PAPSS2: variants seen among roughly 807,000 people sequenced by gnomAD.
The protein encoded by PAPSS2 is bifunctional 3'-phosphoadenosine 5'-phosphosulfate synthase 2.
Under a neutral mutation model 66.5 loss-of-function variants are expected in PAPSS2, and 61 were observed. That is an observed-to-expected ratio of 0.92 (90% CI 0.75 to 1.14). PAPSS2 has a LOEUF of 1.14. Among genes scored for constraint, PAPSS2 ranks in the 50% most tolerant of loss-of-function variants. The probability of loss-of-function intolerance (pLI) is 0.00; values close to 1 mark genes in which losing one functional copy is unlikely to be tolerated. For missense variants in PAPSS2, 708 were observed against 789.6 expected (o/e 0.90, Z 1.24); for synonymous variants, 289 against 287.5 (o/e 1.01, Z -0.05).
At chr10:87,681,814 C>G (rs764912644) in intron 1 of PAPSS2, among the ~76,000 whole-genome samples, 1 of 152,152 alleles carries the variant, frequency 6.6e-6, no homozygotes, top group Non-Finnish European at 1.5e-5. Context: ...TCTTTTGTGA[C>G]TGGCTTCTTT....
chr10:87,686,160 A>C (rs1853086216), intron 1 of PAPSS2, among the ~76,000 whole-genome samples: 1 of 148,254 alleles, frequency 6.7e-6, no homozygotes. Flanking sequence ...TTTTTTCAGT[A>C]ACAAAGGTAG....
rs774421291 is a variant in PAPSS2 at position 87,745,849 on chromosome 10, T to G, written c.1739T>G (p.Phe580Cys). 3 of 1,614,076 alleles carry G rather than the reference T, an allele frequency of 1.9e-6. No homozygotes were observed. Among genetic ancestry groups the G allele is most frequent in the Non-Finnish European group, 2.5e-6 (3 of 1,179,966 alleles). Residue 580 changes from phenylalanine to cysteine, a missense_variant, in exon 13 of 13, where the codon TTC (phenylalanine) becomes TGC (cysteine). Coordinates refer to ENST00000456849, the MANE Select transcript of PAPSS2 (RefSeq NM_001015880.2). Reference sequence around the variant, plus strand: ...TGTAACAGGCACAATGAGTTTGACTTCATCTCAGGAACTCGAATGAGGAAG... The same window carrying G: ...TGTAACAGGCACAATGAGTTTGACTGCATCTCAGGAACTCGAATGAGGAAG... The part of the protein sequence containing the change: ...YDPARHNEFD[F>C]ISGTRMRKLA...
chr10:87,733,575 T>G (rs1332420041), intron 9 of PAPSS2, among the ~76,000 whole-genome samples: 1 of 152,102 alleles, frequency 6.6e-6, no homozygotes, highest in East Asian at 1.9e-4. Context: ...ATGAAAACCA[T>G]ATGGTTAGTT....
At chr10:87,665,773 G>T (rs993058961) in intron 1 of PAPSS2, among the ~76,000 whole-genome samples, 1 of 152,002 alleles carries the variant, frequency 6.6e-6, no homozygotes, top group Non-Finnish European at 1.5e-5. Context: ...TGGGTTCTGG[G>T]CTTTAATTTC....
At position 87,662,488 on chromosome 10, in the gene PAPSS2, C is replaced by G. The variant is rs144948266; in HGVS notation, c.27+2480C>G. On this transcript the variant is annotated intron_variant, in intron 1 of 12. Coordinates refer to ENST00000456849, the MANE Select transcript of PAPSS2 (RefSeq NM_001015880.2). ...ATCTTTACCATGGAAACCAAAGAAA[C>G]AGCTACCAGTCACATTCATCCCTTC... Among the ~76,000 whole-genome samples the G allele has an allele frequency of 8.6e-3, 1,306 of 152,212 alleles. 11 individuals are homozygous for G. The highest frequency in any genetic ancestry group is 0.014 in the Middle Eastern group (4 of 294).
At chr10:87,712,264 G>C (rs947112694) in intron 2 of PAPSS2, among the ~76,000 whole-genome samples, 1 of 152,162 alleles carries the variant, frequency 6.6e-6, no homozygotes, top group Non-Finnish European at 1.5e-5. Context: ...AGAAGCCAAA[G>C]GACAGCCTGC....
chr10:87,678,590 T>TTA lies in PAPSS2; in HGVS notation c.27+18582_27+18583insTA, dbSNP rs1554862249. On this transcript the variant is annotated intron_variant, in intron 1 of 12. Transcript: ENST00000456849. ...AGACTATATCAGAAACCCAGCAGCG[T>TTA]AAAAAAAAAATTCCATTAAAAAGTG... 8.0e-3 allele frequency among the ~76,000 whole-genome samples: 1,200 copies of TTA among 150,340 alleles called. 16 individuals are homozygous for TTA. Among genetic ancestry groups the TTA allele is most frequent in the African/African-American group, 0.028 (1,135 of 40,984 alleles).
At chr10:87,703,456 A>G (rs1000585183) in intron 1 of PAPSS2, among the ~76,000 whole-genome samples, 5 of 152,154 alleles carry the variant, frequency 3.3e-5, no homozygotes, top group African/African-American at 1.2e-4. Context: ...TCACTTCTCC[A>G]GACTAGATTA....
chr10:87,682,561 G>A (rs975722062), intron 1 of PAPSS2, among the ~76,000 whole-genome samples: 84 of 152,196 alleles, frequency 5.5e-4, no homozygotes, highest in East Asian at 1.9e-4. Context: ...GATATTTTGT[G>A]TTAGAGAAAA....
In PAPSS2 at chr10:87,747,286, T is replaced by C. The variant is rs1206169595; in HGVS notation, c.*1316T>C. On this transcript the variant is annotated 3_prime_UTR_variant, in exon 13 of 13. Coordinates refer to ENST00000456849, the MANE Select transcript of PAPSS2 (RefSeq NM_001015880.2). Reference sequence around the variant, plus strand: ...TGTTTTTACTTTATGCATAATTCATTGTTGCCAAGGAATAAAGTGAAGAAA... The same window carrying C: ...TGTTTTTACTTTATGCATAATTCATCGTTGCCAAGGAATAAAGTGAAGAAA... The C allele has an allele frequency of 6.6e-6, 1 of 152,218 alleles. No homozygotes were observed. The highest frequency in any genetic ancestry group is 1.9e-4 in the East Asian group (1 of 5,206). 9.4% of individuals were successfully genotyped at this position (152,218 alleles called of 1,614,324 possible). A position where few individuals can be genotyped will look rare whatever the true frequency, so the allele number is the denominator to read the frequency against.
chr10:87,707,559 T>C (rs967771879), intron 1 of PAPSS2, among the ~76,000 whole-genome samples: 4 of 142,720 alleles, frequency 2.8e-5, no homozygotes, highest in African/African-American at 1.1e-4. Flanking sequence ...TCATTTCTTT[T>C]TTTTCTTTTT....
intron 10 of PAPSS2, 66 bp from the exon 11 acceptor site, chr10:87,743,307 C>T (rs897894117): frequency 1.4e-6 from 2 of 1,475,116 alleles, no homozygotes; most frequent in African/African-American, 1.4e-5. Flanking sequence ...TGTGTCCTTT[C>T]TGTTCTTGTG....
chr10:87,663,823 A>G (rs1224289637), intron 1 of PAPSS2, among the ~76,000 whole-genome samples: 1 of 152,216 alleles, frequency 6.6e-6, no homozygotes, highest in Non-Finnish European at 1.5e-5. Flanking sequence ...TGCAGTAGCT[A>G]TTTCATTTGT....
chr10:87,708,343 GT>G (rs1270714208), intron 1 of PAPSS2, among the ~76,000 whole-genome samples: 2 of 152,194 alleles, frequency 1.3e-5, no homozygotes, highest in Non-Finnish European at 2.9e-5. Context: ...CCTTGAGAAA[GT>G]GGAAACAGTT....
chr10:87,678,531 T>C lies in PAPSS2; in HGVS notation c.27+18523T>C, dbSNP rs77250394. ...GCAACCTGTTGAATGAGAGAAAATA[T>C]TGCATACTATCTTCTGACAAGGGAC... On this transcript the variant is annotated intron_variant, in intron 1 of 12. Coordinates refer to ENST00000456849, the MANE Select transcript of PAPSS2 (RefSeq NM_001015880.2). Among the ~76,000 whole-genome samples, 1,601 of 152,238 alleles carry C rather than the reference T, an allele frequency of 0.011. 64 individuals are homozygous for C. The East Asian group carries it at 0.12, about 11-fold the overall frequency.
rs141024964 is a variant in PAPSS2, at chr10:87,687,344, A to T, written c.28-21852A>T. 7.9e-5 allele frequency among the ~76,000 whole-genome samples: 12 copies of T among 152,382 alleles called. No individual in the cohort carries two copies. The East Asian group carries it at 1.5e-3, about 20-fold the overall frequency. On this transcript the variant is annotated intron_variant, in intron 1 of 12. Coordinates refer to ENST00000456849, the MANE Select transcript of PAPSS2 (RefSeq NM_001015880.2). ...AGGTGGGAATACAGGCTCCTATATT[A>T]AAAAAGTTATTGTGGCTAATACTAT...
intron 11 of PAPSS2, among the ~76,000 whole-genome samples, chr10:87,744,067 A>C (rs1244691344): frequency 6.6e-6 from 1 of 152,204 alleles, no homozygotes; most frequent in African/African-American, 2.4e-5. Context: ...ATGCCACTGC[A>C]CTCCAGCCTG....
chr10:87,734,663 G>GTATATATATATATATATA (rs66686947), intron 9 of PAPSS2, among the ~76,000 whole-genome samples: 3 of 81,098 alleles, frequency 3.7e-5, no homozygotes, highest in Non-Finnish European at 6.6e-5. Flanking sequence ...GAATGTGTGT[G>GTATATATATATATATATA]TATATATATA....
intron 1 of PAPSS2, among the ~76,000 whole-genome samples, chr10:87,701,380 CTT>C (rs759634579): frequency 0.011 from 894 of 80,398 alleles, 5 homozygotes; most frequent in African/African-American, 0.018. Flanking sequence ...TTCTTTCTTT[CTT>C]TCTTTCTTTC....
Sources: gnomAD v4.1 joint callset for allele counts (sites outside exome capture counted in the v4.1 genomes callset) on GRCh38, gnomAD v4.1.1 for gene constraint, MANE v1.5 for transcripts, NCBI Gene and HGNC (gene_info 2026-07-23, HGNC 2026-07-21) for gene names.